KCNB2: variants seen among roughly 807,000 people sequenced by gnomAD.
KCNB2 encodes delayed rectifier potassium channel protein.
KCNB2 carries 15 observed loss-of-function variants against 61.5 expected under a neutral mutation model. The ratio of observed to expected loss-of-function variants is 0.24; its 90% CI spans 0.16 to 0.38. KCNB2 has a LOEUF of 0.38. Ranked by LOEUF, KCNB2 falls within the 10% of genes least tolerant of loss-of-function variation. The probability of loss-of-function intolerance (pLI) is 1.00; values close to 1 mark genes in which losing one functional copy is unlikely to be tolerated. For missense variants in KCNB2, 828 were observed against 1,125.2 expected (o/e 0.74, Z 3.78); for synonymous variants, 457 against 446.0 (o/e 1.02, Z -0.31).
At chr8:72,916,900 C>T (rs1806411785) in intron 2 of KCNB2, among the ~76,000 whole-genome samples, 1 of 152,312 alleles carries the variant, frequency 6.6e-6, no homozygotes, top group Middle Eastern at 3.4e-3. Flanking sequence ...CCAGCTGCTT[C>T]TCCTCTCTCT....
chr8:72,917,893 G>T (rs1806433382), intron 2 of KCNB2, among the ~76,000 whole-genome samples: 1 of 152,156 alleles, frequency 6.6e-6, no homozygotes, highest in African/African-American at 2.4e-5. Flanking sequence ...TGAAGGCAAT[G>T]GTTGCTTGGG....
intron 2 of KCNB2, among the ~76,000 whole-genome samples, chr8:72,741,355 C>A (rs1807955756): frequency 6.6e-6 from 1 of 152,174 alleles, no homozygotes; most frequent in Admixed American, 6.6e-5. Flanking sequence ...AGTTCAAAAT[C>A]AACTCTTTCT....
At chr8:72,799,948 C>A (rs1809096444) in intron 2 of KCNB2, among the ~76,000 whole-genome samples, 1 of 152,072 alleles carries the variant, frequency 6.6e-6, no homozygotes, top group Non-Finnish European at 1.5e-5. Context: ...CGGTCCATTT[C>A]CCTGGTCCAT....
rs183667985 is a variant in KCNB2, at chr8:72,665,371, G to A, written c.579+97058G>A. Among the ~76,000 whole-genome samples the A allele has an allele frequency of 7.9e-5, 12 of 152,224 alleles. No individual in the cohort carries two copies. The East Asian group carries it at 2.1e-3, about 27-fold the overall frequency. On this transcript the variant is annotated intron_variant, in intron 2 of 2. Transcript: ENST00000523207. The stretch of plus-strand genomic sequence containing the variant: ...GGTGGAGTTGTCATCACCTGAAGTG[G>A]GAAACTGCTGGGGAAGTCGGATGGG...
intron 2 of KCNB2, among the ~76,000 whole-genome samples, chr8:72,822,805 C>T (rs1483188093): frequency 5.9e-5 from 9 of 152,146 alleles, no homozygotes; most frequent in African/African-American, 2.2e-4. Flanking sequence ...GAATCTTTGC[C>T]AGGATCTTCC....
At position 72,682,245 on chromosome 8, in the gene KCNB2, A is replaced by G. The variant is rs868476373; in HGVS notation, c.579+113932A>G. ...CTGGAGCATGGCTACCCCACCTAAC[A>G]TACGTAGCATAGTCTCCTGAAAAGC... On this transcript the variant is annotated intron_variant, in intron 2 of 2. Transcript: ENST00000523207. Among the ~76,000 whole-genome samples the G allele has an allele frequency of 3.3e-5, 5 of 152,294 alleles. No homozygotes were observed. In the South Asian group the frequency reaches 1.0e-3, roughly 32 times the overall value.
chr8:72,875,181 G>A lies in KCNB2; in HGVS notation c.580-60754G>A, dbSNP rs1293009928. ...GCGGAGGCTTCCTCCCAAGGACGTA[G>A]GCTTGGATGATGGATGATTATCCTG... On this transcript the variant is annotated intron_variant, in intron 2 of 2. Coordinates refer to ENST00000523207, the MANE Select transcript of KCNB2 (RefSeq NM_004770.3). 15 of 152,364 alleles carry A rather than the reference G, an allele frequency of 9.8e-5. No homozygotes were observed. The East Asian group carries it at 2.7e-3, about 27-fold the overall frequency. The allele number at this position is 152,364 out of a possible 1,614,324, so 9.4% of individuals were successfully genotyped here.
intron 2 of KCNB2, among the ~76,000 whole-genome samples, chr8:72,827,120 G>A (rs1809607830): frequency 6.6e-6 from 1 of 152,154 alleles, no homozygotes; most frequent in Non-Finnish European, 1.5e-5. Flanking sequence ...AATATATCAT[G>A]TGACTTAGCA....
intron 2 of KCNB2, among the ~76,000 whole-genome samples, chr8:72,585,164 GT>G (rs796348087): frequency 1.8e-4 from 28 of 151,634 alleles, no homozygotes; most frequent in Admixed American, 7.2e-4. Context: ...TAAATAAGGG[GT>G]TTTTTTTTGT....
rs1169081468 is a variant in KCNB2, at chr8:72,810,121, G to T, written c.580-125814G>T. Reference sequence around the variant, plus strand: ...TCACTTGTACTTAAGATGCCATGGGGAAAGAGGAATGTCTTGAGAAAATGC... The same window carrying T: ...TCACTTGTACTTAAGATGCCATGGGTAAAGAGGAATGTCTTGAGAAAATGC... On this transcript the variant is annotated intron_variant, in intron 2 of 2. Transcript: ENST00000523207. Among the ~76,000 whole-genome samples the T allele has an allele frequency of 2.0e-5, 3 of 152,148 alleles. 1 individual carries two copies. The highest frequency in any genetic ancestry group is 4.4e-5 in the Non-Finnish European group (3 of 68,028).
At chr8:72,784,208 A>C (rs1022170901) in intron 2 of KCNB2, among the ~76,000 whole-genome samples, 4 of 152,068 alleles carry the variant, frequency 2.6e-5, no homozygotes, top group African/African-American at 9.7e-5. Context: ...GAACTTCTTC[A>C]TCTTATAACT....
chr8:72,542,598 G>A (rs1348290469), intron 1 of KCNB2, among the ~76,000 whole-genome samples: 4 of 152,112 alleles, frequency 2.6e-5, no homozygotes, highest in Admixed American at 2.0e-4. Flanking sequence ...TTTACATAAT[G>A]TTTATTGGCT....
intron 2 of KCNB2, among the ~76,000 whole-genome samples, chr8:72,909,574 A>C (rs750574): frequency 0.87 from 132,110 of 152,030 alleles, 58,353 homozygotes; most frequent in African/African-American, 0.94. Context: ...TATTAAAGAG[A>C]TGATGGTTAC....
intron 2 of KCNB2, among the ~76,000 whole-genome samples, chr8:72,925,039 A>C (rs1255486307): frequency 1.2e-4 from 18 of 152,208 alleles, no homozygotes; most frequent in Admixed American, 1.1e-3. Context: ...GGTCTTAATG[A>C]TGCTGACCCC....
At chr8:72,925,671 G>A (rs561261377) in intron 2 of KCNB2, among the ~76,000 whole-genome samples, 19 of 152,338 alleles carry the variant, frequency 1.2e-4, no homozygotes, top group Admixed American at 4.6e-4. Context: ...AACCATTGTG[G>A]AAGGCAGTGT....
rs1235989634 is a variant in KCNB2 at position 72,776,360 on chromosome 8, C to G, written c.580-159575C>G. 2.6e-5 allele frequency among the ~76,000 whole-genome samples: 4 copies of G among 152,122 alleles called. No homozygotes were observed. In the East Asian group the frequency reaches 7.7e-4, roughly 29 times the overall value. On this transcript the variant is annotated intron_variant, in intron 2 of 2. Coordinates refer to ENST00000523207, the MANE Select transcript of KCNB2 (RefSeq NM_004770.3). ...GCACATGTATACATATGTAACAAAC[C>G]TGCACATTGTGCACATGTACCCTAG...
At chr8:72,934,031 TG>T (rs1229576579) in intron 2 of KCNB2, among the ~76,000 whole-genome samples, 1 of 152,152 alleles carries the variant, frequency 6.6e-6, no homozygotes, top group Admixed American at 6.6e-5. Context: ...ATTATACTGT[TG>T]TTTCACTTTA....
chr8:72,592,382 G>T (rs1469196103), intron 2 of KCNB2, among the ~76,000 whole-genome samples: 1 of 152,036 alleles, frequency 6.6e-6, no homozygotes, highest in Non-Finnish European at 1.5e-5. Context: ...TGTCATAGGG[G>T]TTAGCTGAAA....
At chr8:72,613,313 C>G (rs1161798772) in intron 2 of KCNB2, among the ~76,000 whole-genome samples, 1 of 152,212 alleles carries the variant, frequency 6.6e-6, no homozygotes, top group African/African-American at 2.4e-5. Context: ...CATCTGGCCT[C>G]TGCAAGTCCT....
Sources: gnomAD v4.1 joint callset for allele counts (sites outside exome capture counted in the v4.1 genomes callset) on GRCh38, gnomAD v4.1.1 for gene constraint, MANE v1.5 for transcripts, NCBI Gene and HGNC (gene_info 2026-07-23, HGNC 2026-07-21) for gene names.